Variants in CTNNA2 observed in about 807,000 individuals in gnomAD.
CTNNA2 encodes the protein catenin alpha-2.
CTNNA2 carries 42 observed loss-of-function variants against 101.0 expected under a neutral mutation model. The observed-to-expected ratio is 0.42, with a 90% CI of 0.32 to 0.54. The LOEUF (loss-of-function observed/expected upper bound fraction) is 0.54, where lower values mean the gene tolerates loss of function less well. Ranked by LOEUF, CTNNA2 falls within the 20% of genes least tolerant of loss-of-function variation. The pLI, the probability that CTNNA2 is intolerant of heterozygous loss-of-function variation, is 0.14. For missense variants in CTNNA2, 871 were observed against 1,223.1 expected (o/e 0.71, Z 4.29); for synonymous variants, 450 against 456.4 (o/e 0.99, Z 0.18).
chr2:79,281,056 C>G (rs184144660), intron 2 of CTNNA2, among the ~76,000 whole-genome samples: 2 of 152,064 alleles, frequency 1.3e-5, no homozygotes, highest in African/African-American at 4.8e-5. Context: ...CCCCCACATC[C>G]TTATGGGGCT....
intron 7 of CTNNA2, among the ~76,000 whole-genome samples, chr2:80,033,995 A>T (rs1000484549): frequency 6.8e-6 from 1 of 146,860 alleles, no homozygotes; most frequent in Non-Finnish European, 1.5e-5. Flanking sequence ...AAAAAAAAGC[A>T]CTGAAAGAAA....
chr2:79,927,188 G>GGA (rs563408018), intron 7 of CTNNA2, among the ~76,000 whole-genome samples: 24 of 152,174 alleles, frequency 1.6e-4, no homozygotes, highest in Middle Eastern at 6.8e-3. Context: ...CAGAGGGATA[G>GGA]GATTCTAAAT....
At chr2:79,213,992 A>C (rs1307945925) in intron 2 of CTNNA2, among the ~76,000 whole-genome samples, 1 of 152,166 alleles carries the variant, frequency 6.6e-6, no homozygotes, top group East Asian at 1.9e-4. Context: ...GAAACACTAC[A>C]GGGTGGGGTC....
intron 7 of CTNNA2, among the ~76,000 whole-genome samples, chr2:80,384,398 T>G (rs1573908425): frequency 1.3e-5 from 2 of 151,122 alleles, no homozygotes; most frequent in East Asian, 1.9e-4. Context: ...AACCTGCATG[T>G]GTATCCCCGA....
At chr2:79,569,264 T>A (rs1675316049) in intron 1 of CTNNA2, among the ~76,000 whole-genome samples, 1 of 152,108 alleles carries the variant, frequency 6.6e-6, no homozygotes, top group Admixed American at 6.5e-5. Flanking sequence ...GTAGCTGTTC[T>A]CTCAGGGAGA....
intron 2 of CTNNA2, among the ~76,000 whole-genome samples, chr2:79,198,418 C>T (rs1393827032): frequency 6.6e-6 from 1 of 152,156 alleles, no homozygotes; most frequent in African/African-American, 2.4e-5. Flanking sequence ...ATATTAACTT[C>T]CCTCTGGGAA....
chr2:80,440,357 G>A (rs1300472518), intron 9 of CTNNA2, among the ~76,000 whole-genome samples: 4 of 152,214 alleles, frequency 2.6e-5, no homozygotes, highest in Non-Finnish European at 1.5e-5. Flanking sequence ...TCTACCTTGA[G>A]TCTTGGTAAG....
At chr2:79,495,035 G>A (rs1671241422) in intron 4 of CTNNA2, among the ~76,000 whole-genome samples, 3 of 151,996 alleles carry the variant, frequency 2.0e-5, no homozygotes, top group African/African-American at 2.4e-5. Context: ...CCAGGGAGGC[G>A]GAGCTTGCAG....
At chr2:80,409,579 A>C (rs979659786) in intron 8 of CTNNA2, among the ~76,000 whole-genome samples, 12 of 152,160 alleles carry the variant, frequency 7.9e-5, no homozygotes, top group African/African-American at 2.9e-4. Context: ...TGCTTCATCT[A>C]CCAAGAGCTA....
intron 2 of CTNNA2, among the ~76,000 whole-genome samples, chr2:79,248,605 A>G (rs1482087461): frequency 6.6e-6 from 1 of 152,122 alleles, no homozygotes; most frequent in African/African-American, 2.4e-5. Context: ...TCTGTGCTTA[A>G]TAAATAAATG....
chr2:79,437,839 G>C (rs1400872138), intron 4 of CTNNA2, among the ~76,000 whole-genome samples: 2 of 152,140 alleles, frequency 1.3e-5, no homozygotes, highest in Admixed American at 6.6e-5. Flanking sequence ...GCTGCTCTTT[G>C]TTCCAGCGCT....
intron 4 of CTNNA2, among the ~76,000 whole-genome samples, chr2:79,405,742 A>C (rs561166047): frequency 6.6e-6 from 1 of 152,208 alleles, no homozygotes; most frequent in Non-Finnish European, 1.5e-5. Flanking sequence ...CAGGGTAATA[A>C]GTATATTCAT....
intron 7 of CTNNA2, among the ~76,000 whole-genome samples, chr2:80,355,568 C>G (rs1166290140): frequency 1.3e-5 from 2 of 152,152 alleles, no homozygotes; most frequent in Non-Finnish European, 2.9e-5. Flanking sequence ...TTAAGCCGCT[C>G]TTTATTGGGT....
intron 3 of CTNNA2, among the ~76,000 whole-genome samples, chr2:79,797,109 A>G (rs573219738): frequency 6.6e-6 from 1 of 152,348 alleles, no homozygotes; most frequent in South Asian, 2.1e-4. Flanking sequence ...AACATTGTCA[A>G]CATAAGCTAT....
chr2:80,119,369 T>C (rs1701706892), intron 7 of CTNNA2, among the ~76,000 whole-genome samples: 3 of 152,098 alleles, frequency 2.0e-5, no homozygotes, highest in Admixed American at 6.5e-5. Flanking sequence ...GGGACAGGGA[T>C]TGGGGAGACA....
rs1685365349 is a variant in CTNNA2, at chr2:79,905,587, G to A, written c.853-4007G>A. Among the ~76,000 whole-genome samples the A allele has an allele frequency of 2.6e-5, 4 of 152,234 alleles. No homozygotes were observed. The South Asian group carries it at 8.3e-4, about 32-fold the overall frequency. Reference sequence around the variant, plus strand: ...AAAGTATTCTTCTGTGACCAGGGAGGGGAATCTGGCTCCTGGATGTTGATG... The same window carrying A: ...AAAGTATTCTTCTGTGACCAGGGAGAGGAATCTGGCTCCTGGATGTTGATG... On this transcript the variant is annotated intron_variant, in intron 6 of 18. Transcript: ENST00000402739.
chr2:79,763,424 C>A (rs914697980), intron 3 of CTNNA2, among the ~76,000 whole-genome samples: 1 of 152,124 alleles, frequency 6.6e-6, no homozygotes, highest in African/African-American at 2.4e-5. Context: ...TCTTCTCCAT[C>A]CAGAAAATAA....
intron 7 of CTNNA2, among the ~76,000 whole-genome samples, chr2:80,058,630 G>A (rs189536543): frequency 3.3e-5 from 5 of 152,290 alleles, no homozygotes; most frequent in Admixed American, 3.3e-4. Context: ...CCAGCTGCTT[G>A]GCCAGAGAAG....
chr2:79,939,755 A>G (rs1688023938), intron 7 of CTNNA2, among the ~76,000 whole-genome samples: 1 of 152,232 alleles, frequency 6.6e-6, no homozygotes, highest in Non-Finnish European at 1.5e-5. Flanking sequence ...ATAAAGAAAT[A>G]AAATTCCTAC....
Sources: gnomAD v4.1 joint callset for allele counts (sites outside exome capture counted in the v4.1 genomes callset) on GRCh38, gnomAD v4.1.1 for gene constraint, MANE v1.5 for transcripts, NCBI Gene and HGNC (gene_info 2026-07-23, HGNC 2026-07-21) for gene names.